Variants in GREM1 observed in about 807,000 individuals in gnomAD.
GREM1 encodes gremlin-1.
Under a neutral mutation model 13.1 loss-of-function variants are expected in GREM1, and 6 were observed. That is an observed-to-expected ratio of 0.46 (90% confidence interval 0.25 to 0.91). The LOEUF is 0.91. Ranked by LOEUF, GREM1 falls within the 40% of genes least tolerant of loss-of-function variation. The pLI is 0.18. For synonymous variants in GREM1, 98 were observed against 93.7 expected, an observed-to-expected ratio of 1.05 and a Z score of -0.27; for missense variants, 185 against 233.9, an observed-to-expected ratio of 0.79 and a Z score of 1.36.
chr15:32,725,134 C>T (rs552059476), intron 1 of GREM1, among the ~76,000 whole-genome samples: 1 of 152,156 alleles, frequency 6.6e-6, no homozygotes, highest in African/African-American at 2.4e-5. Context: ...GATTTATAAT[C>T]CTTTAGGTCT....
Position 32,741,971 on chromosome 15 carries a change from C to T in GREM1, c.*10726C>T, listed in dbSNP as rs965242901. 14 of 152,124 alleles carry T rather than the reference C, an allele frequency of 9.2e-5. No individual in the cohort carries two copies. The highest frequency in any genetic ancestry group is 7.2e-4 in the Admixed American group (11 of 15,268). 9.4% of individuals were successfully genotyped at this position (152,124 alleles called of 1,614,324 possible). A position where few individuals can be genotyped will look rare whatever the true frequency, so the allele number is the denominator to read the frequency against. On this transcript the variant is annotated 3_prime_UTR_variant, in exon 2 of 2. Transcript: ENST00000651154. Reference sequence around the variant, plus strand: ...CCTTTATTCTGTTAATGGATTATCACATTAACTAATTTTCATATCTTGAAG... The same window carrying T: ...CCTTTATTCTGTTAATGGATTATCATATTAACTAATTTTCATATCTTGAAG...
intron 1 of GREM1, among the ~76,000 whole-genome samples, chr15:32,720,072 TGTGTGC>T (rs1215245068): frequency 6.6e-6 from 1 of 152,160 alleles, no homozygotes; most frequent in Admixed American, 6.5e-5. Context: ...AGTGGCAGTA[TGTGTGC>T]GTGTGTGTGT....
chr15:32,738,125 A>AAAAAAAAAAAAAAAAAAAAACCAAAC lies in GREM1; in HGVS notation c.*6888_*6889insAAAAAAAAAAAACCAAACAAAAAAAA. The AAAAAAAAAAAAAAAAAAAAACCAAAC allele has an allele frequency of 2.1e-4, 6 of 27,986 alleles. 2 individuals carry two copies. The highest frequency in any genetic ancestry group is 7.6e-4 in the African/African-American group (5 of 6,600). The allele number at this position is 27,986 out of a possible 1,614,324, so 1.7% of individuals were successfully genotyped here. A position where few individuals can be genotyped will look rare whatever the true frequency, so the allele number is the denominator to read the frequency against. The stretch of plus-strand genomic sequence containing the variant: ...AAAAAAAAAAAAAAAAAAAAAAAAA[A>AAAAAAAAAAAAAAAAAAAAACCAAAC]AAAAAAAAGAAAAGAAAAAAGTCAT... On this transcript the variant is annotated 3_prime_UTR_variant, in exon 2 of 2. Transcript: ENST00000651154.
rs1354995000 is a variant in GREM1, at chr15:32,739,317, C to G, written c.*8072C>G. The G allele has an allele frequency of 6.6e-6, 1 of 152,160 alleles. No homozygotes were observed. Among genetic ancestry groups the G allele is most frequent in the Non-Finnish European group, 1.5e-5 (1 of 68,020 alleles). 9.4% of individuals were successfully genotyped at this position (152,160 alleles called of 1,614,324 possible). A position where few individuals can be genotyped will look rare whatever the true frequency, so the allele number is the denominator to read the frequency against. ...CTGTACCACTACAGTTATAATTCTCCTAAAGCTTAAAGCAATTACCTCCTT... is the reference window on the plus strand; with the variant it reads ...CTGTACCACTACAGTTATAATTCTCGTAAAGCTTAAAGCAATTACCTCCTT... On this transcript the variant is annotated 3_prime_UTR_variant, in exon 2 of 2. Coordinates refer to ENST00000651154, the MANE Select transcript of GREM1 (RefSeq NM_013372.7).
rs2055726626 is a variant in GREM1 at position 32,738,125 on chromosome 15, A to AAAAAACAAAC, written c.*6885_*6886insCAAACAAAAA. On this transcript the variant is annotated 3_prime_UTR_variant, in exon 2 of 2. Transcript: ENST00000651154. Reference sequence around the variant, plus strand: ...AAAAAAAAAAAAAAAAAAAAAAAAAAAAAAAAAAGAAAAGAAAAAAGTCAT... The same window carrying AAAAAACAAAC: ...AAAAAAAAAAAAAAAAAAAAAAAAAAAAAAACAAACAAAAAAAAGAAAAGAAAAAAGTCAT... 5.4e-4 allele frequency: 15 copies of AAAAAACAAAC among 27,988 alleles called. 1 individual carries two copies. In the East Asian group the frequency reaches 0.011, roughly 21 times the overall value. 1.7% of individuals were successfully genotyped at this position (27,988 alleles called of 1,614,324 possible).
chr15:32,744,667 T>C lies in GREM1; in HGVS notation c.*13422T>C, dbSNP rs1029371120. ...TCGTCACTTAACTCAAGCAAAACAA[T>C]GTTACTCTCTTTGTACATTGTACAG... On this transcript the variant is annotated 3_prime_UTR_variant, in exon 2 of 2. Coordinates refer to ENST00000651154, the MANE Select transcript of GREM1 (RefSeq NM_013372.7). 2 of 151,698 alleles carry C rather than the reference T, an allele frequency of 1.3e-5. No homozygotes were observed. The highest frequency in any genetic ancestry group is 4.8e-5 in the African/African-American group (2 of 41,256). 9.4% of individuals were successfully genotyped at this position (151,698 alleles called of 1,614,324 possible).
In GREM1 at chr15:32,718,041, A is replaced by T. The variant is rs537464935; in HGVS notation, c.-122A>T. On this transcript the variant is annotated 5_prime_UTR_variant, in exon 1 of 2. Coordinates refer to ENST00000651154, the MANE Select transcript of GREM1 (RefSeq NM_013372.7). ...TTCCGCGGACCGGGCGACCCAGTGC[A>T]CGGCCGCCGCGTCACTCTCGGTCCC... The T allele has an allele frequency of 8.5e-5, 98 of 1,158,870 alleles. No homozygotes were observed. In the East Asian group the frequency reaches 3.1e-3, roughly 36 times the overall value. The allele number at this position is 1,158,870 out of a possible 1,614,324, so 71.8% of individuals were successfully genotyped here.
In GREM1 at chr15:32,739,329, G is replaced by A. The variant is rs974714050; in HGVS notation, c.*8084G>A. The stretch of plus-strand genomic sequence containing the variant: ...AGTTATAATTCTCCTAAAGCTTAAA[G>A]CAATTACCTCCTTGTTTATATTTAT... On this transcript the variant is annotated 3_prime_UTR_variant, in exon 2 of 2. Transcript: ENST00000651154. The A allele has an allele frequency of 6.6e-6, 1 of 152,130 alleles. No homozygotes were observed. Among genetic ancestry groups the A allele is most frequent in the Non-Finnish European group, 1.5e-5 (1 of 68,026 alleles). 9.4% of individuals were successfully genotyped at this position (152,130 alleles called of 1,614,324 possible).
In GREM1 at chr15:32,744,952, A is replaced by C. The variant is rs1231639318; in HGVS notation, c.*13707A>C. 2 of 152,186 alleles carry C rather than the reference A, an allele frequency of 1.3e-5. No individual in the cohort carries two copies. The highest frequency in any genetic ancestry group is 2.9e-5 in the Non-Finnish European group (2 of 68,036). 9.4% of individuals were successfully genotyped at this position (152,186 alleles called of 1,614,324 possible). On this transcript the variant is annotated 3_prime_UTR_variant, in exon 2 of 2. Transcript: ENST00000651154. The stretch of plus-strand genomic sequence containing the variant: ...TTACTTGTTAAAAACTTGATTTCGT[A>C]GATTGCTTTAAAATAAGAACAAAAT...
At chr15:32,720,215 C>G (rs1297803720) in intron 1 of GREM1, among the ~76,000 whole-genome samples, 2 of 152,056 alleles carry the variant, frequency 1.3e-5, no homozygotes, top group African/African-American at 4.8e-5. Context: ...TTTGGTAACC[C>G]ACGCTCTGTA....
chr15:32,731,255 A>G lies in GREM1; in HGVS notation c.*10A>G, dbSNP rs2055611874. The G allele has an allele frequency of 6.2e-7, 1 of 1,602,766 alleles. No individual in the cohort carries two copies. The highest frequency in any genetic ancestry group is 8.5e-7 in the Non-Finnish European group (1 of 1,172,222). Reference sequence around the variant, plus strand: ...CATCGATTTGGATTAAGCCAAATCCAGGTGCACCCAGCATGTCCTAGGAAT... The same window carrying G: ...CATCGATTTGGATTAAGCCAAATCCGGGTGCACCCAGCATGTCCTAGGAAT... On this transcript the variant is annotated 3_prime_UTR_variant, in exon 2 of 2. Transcript: ENST00000651154.
At position 32,743,668 on chromosome 15, in the gene GREM1, T is replaced by C. The variant is rs1223879161; in HGVS notation, c.*12423T>C. ...CTGGAGACGCACTTTCAATGTGGTG[T>C]ACTCACGTGGCTGTTGGTTGGAGGC... On this transcript the variant is annotated 3_prime_UTR_variant, in exon 2 of 2. Transcript: ENST00000651154. 1.3e-5 allele frequency: 2 copies of C among 152,234 alleles called. No individual in the cohort carries two copies. Among genetic ancestry groups the C allele is most frequent in the African/African-American group, 2.4e-5 (1 of 41,440 alleles). 9.4% of individuals were successfully genotyped at this position (152,234 alleles called of 1,614,324 possible). A position where few individuals can be genotyped will look rare whatever the true frequency, so the allele number is the denominator to read the frequency against.
Position 32,730,811 on chromosome 15 carries a change from C to A in GREM1, c.121C>A (p.His41Asn), listed in dbSNP as rs2055602956. 6.2e-7 allele frequency: 1 copy of A among 1,613,848 alleles called. No homozygotes were observed. Among genetic ancestry groups the A allele is most frequent in the Non-Finnish European group, 8.5e-7 (1 of 1,180,018 alleles). Residue 41 changes from histidine to asparagine, a missense_variant, in exon 2 of 2, where the codon CAC becomes AAC. His to Asn is a moderately conservative substitution (Grantham distance 68, BLOSUM62 1). Transcript: ENST00000651154. ...CATCCCCCCGCCAGACAAGGCCCAG[C>A]ACAATGACTCAGAGCAGACTCAGTC... ...GAIPPPDKAQHNDSEQTQSPQ... is the reference protein window; with the variant it reads ...GAIPPPDKAQNNDSEQTQSPQ...
chr15:32,721,708 C>T (rs1428586875), intron 1 of GREM1, among the ~76,000 whole-genome samples: 2 of 151,962 alleles, frequency 1.3e-5, no homozygotes, highest in South Asian at 2.1e-4. Flanking sequence ...GAGCTGATAT[C>T]GTGCCAGTGC....
chr15:32,733,823 A>G lies in GREM1; in HGVS notation c.*2578A>G, dbSNP rs2055661567. 4.2e-6 allele frequency: 1 copy of G among 239,530 alleles called. No homozygotes were observed. The highest frequency in any genetic ancestry group is 2.2e-5 in the African/African-American group (1 of 44,900). 14.8% of individuals were successfully genotyped at this position (239,530 alleles called of 1,614,324 possible). A position where few individuals can be genotyped will look rare whatever the true frequency, so the allele number is the denominator to read the frequency against. On this transcript the variant is annotated 3_prime_UTR_variant, in exon 2 of 2. Coordinates refer to ENST00000651154, the MANE Select transcript of GREM1 (RefSeq NM_013372.7). ...ACCAAATATGAATTTTATGATGTAC[A>G]CTTTGTGCTTGGCATTAAAAGAAAA...
At chr15:32,719,204 C>T (rs1488062260) in intron 1 of GREM1, among the ~76,000 whole-genome samples, 12 of 152,238 alleles carry the variant, frequency 7.9e-5, no homozygotes, top group Non-Finnish European at 1.5e-5. Flanking sequence ...GCTGTCACCT[C>T]CTTGCTGGCC....
chr15:32,744,580 A>G lies in GREM1; in HGVS notation c.*13335A>G, dbSNP rs1279495174. 1.3e-5 allele frequency: 2 copies of G among 151,722 alleles called. No individual in the cohort carries two copies. Among genetic ancestry groups the G allele is most frequent in the Non-Finnish European group, 1.5e-5 (1 of 67,940 alleles). 9.4% of individuals were successfully genotyped at this position (151,722 alleles called of 1,614,324 possible). A position where few individuals can be genotyped will look rare whatever the true frequency, so the allele number is the denominator to read the frequency against. On this transcript the variant is annotated 3_prime_UTR_variant, in exon 2 of 2. Coordinates refer to ENST00000651154, the MANE Select transcript of GREM1 (RefSeq NM_013372.7). ...AGAGTGAGACTCAGCTTCAAAAAAAAAAAAAAAAAAGAAAGTTTCAGATAT... is the reference window on the plus strand; with the variant it reads ...AGAGTGAGACTCAGCTTCAAAAAAAGAAAAAAAAAAGAAAGTTTCAGATAT...
intron 1 of GREM1, among the ~76,000 whole-genome samples, chr15:32,719,253 G>A (rs1184671822): frequency 6.6e-6 from 1 of 152,226 alleles, no homozygotes; most frequent in Non-Finnish European, 1.5e-5. Context: ...AAGAACAGAC[G>A]CGCCACCGCT....
chr15:32,726,081 TC>T lies in GREM1; in HGVS notation c.-1-4608del, dbSNP rs1328317739. ...GAAGTCAGGTAGCGTGATGCTTTGT[TC>T]TTTTTGCTTAGGATTGTCTTGGCTA... On this transcript the variant is annotated intron_variant, in intron 1 of 1. Transcript: ENST00000651154. Among the ~76,000 whole-genome samples, 8 of 152,146 alleles carry T rather than the reference TC, an allele frequency of 5.3e-5. 1 individual carries two copies. Among genetic ancestry groups the T allele is most frequent in the South Asian group, 4.1e-4 (2 of 4,838 alleles).
Sources: allele counts gnomAD v4.1 joint callset (sites outside exome capture counted in the v4.1 genomes callset), GRCh38; gene constraint gnomAD v4.1.1; transcripts MANE v1.5; gene names NCBI Gene and HGNC (gene_info 2026-07-23, HGNC 2026-07-21).